Variants in SPIN1 observed in about 807,000 individuals in gnomAD.
SPIN1 encodes the protein spindlin-1.
Under a neutral mutation model 26.0 loss-of-function variants are expected in SPIN1, and 3 were observed. The ratio of observed to expected loss-of-function variants is 0.12; its 90% CI spans 0.05 to 0.30. SPIN1 has a LOEUF of 0.30. Among genes scored for constraint, SPIN1 ranks in the 10% least tolerant of loss-of-function variants. The pLI is 1.00. For missense variants in SPIN1, 126 were observed against 333.4 expected, an observed-to-expected ratio of 0.38 and a Z score of 4.84; for synonymous variants, 101 against 116.5, an observed-to-expected ratio of 0.87 and a Z score of 0.86.
chr9:88,433,111 G>C (rs958489060), intron 2 of SPIN1, among the ~76,000 whole-genome samples: 1 of 151,218 alleles, frequency 6.6e-6, no homozygotes, highest in Non-Finnish European at 1.5e-5. Context: ...ATAGGGTCTC[G>C]CCGTGTCACC....
Position 88,475,100 on chromosome 9 carries a change from G to C in SPIN1, c.612G>C (p.Arg204Ser). 6.3e-7 allele frequency: 1 copy of C among 1,591,358 alleles called. No homozygotes were observed. Among genetic ancestry groups the C allele is most frequent in the Non-Finnish European group, 8.6e-7 (1 of 1,169,506 alleles). ...PDSNDSPPAE[R>S]EPGEVVDSLV... ...TAGATGATTCACCTCCAGCAGAAAG[G>C]GAACCAGGAGAAGTTGTGGACAGCC... is the stretch of plus-strand genomic sequence containing the variant. The change falls in exon 6 of 6, where the codon AGG (arginine) becomes AGC (serine). Residue 204 changes from arginine to serine, a missense_variant. This residue lies in a region of SPIN1 where 29 missense variants were observed against 72.0 expected (regional missense o/e 0.40). Transcript: ENST00000375859.
At chr9:88,433,959 G>A (rs570487254) in intron 2 of SPIN1, among the ~76,000 whole-genome samples, 98 of 151,914 alleles carry the variant, frequency 6.5e-4, no homozygotes, top group Non-Finnish European at 1.2e-3. Context: ...AACTGACAGC[G>A]TTTGAGGACC....
chr9:88,423,729 T>TTA (rs1344186170), intron 1 of SPIN1, among the ~76,000 whole-genome samples: 1 of 149,716 alleles, frequency 6.7e-6, no homozygotes, highest in African/African-American at 2.5e-5. Context: ...ATCATGTATT[T>TTA]TTTTTTTTTT....
intron 1 of SPIN1, among the ~76,000 whole-genome samples, chr9:88,404,453 C>T (rs1163429875): frequency 4.6e-5 from 7 of 152,124 alleles, no homozygotes; most frequent in Admixed American, 3.3e-4. Flanking sequence ...AGCTTTTTTA[C>T]TTTATGAAGT....
chr9:88,455,701 G>T (rs1430114235), intron 3 of SPIN1, among the ~76,000 whole-genome samples: 1 of 151,964 alleles, frequency 6.6e-6, no homozygotes, highest in Non-Finnish European at 1.5e-5. Context: ...TTTAAGACTG[G>T]GTACAGTGGT....
At chr9:88,419,351 G>T (rs907436234) in intron 1 of SPIN1, among the ~76,000 whole-genome samples, 3 of 152,070 alleles carry the variant, frequency 2.0e-5, no homozygotes, top group African/African-American at 7.2e-5. Flanking sequence ...AGTTTAGCCT[G>T]TGCGGTCTAA....
intron 1 of SPIN1, among the ~76,000 whole-genome samples, chr9:88,418,039 A>G (rs1708586834): frequency 6.6e-6 from 1 of 152,218 alleles, no homozygotes; most frequent in African/African-American, 2.4e-5. Context: ...GTGTTCACGA[A>G]CCTTAAGTTT....
At chr9:88,402,908 C>G (rs956144808) in intron 1 of SPIN1, among the ~76,000 whole-genome samples, 1 of 152,098 alleles carries the variant, frequency 6.6e-6, no homozygotes, top group Non-Finnish European at 1.5e-5. Flanking sequence ...AATGGCTTTA[C>G]TAATTTCCAT....
chr9:88,465,264 G>T (rs965364816), intron 4 of SPIN1, among the ~76,000 whole-genome samples: 9 of 152,194 alleles, frequency 5.9e-5, no homozygotes, highest in African/African-American at 2.2e-4. Flanking sequence ...TTGAGATCCT[G>T]CTTTCAGTTG....
chr9:88,422,471 CT>C (rs1168971314), intron 1 of SPIN1, among the ~76,000 whole-genome samples: 1 of 152,126 alleles, frequency 6.6e-6, no homozygotes, highest in Non-Finnish European at 1.5e-5. Context: ...TAGAAAAGCT[CT>C]AGTTCATCTG....
chr9:88,436,653 T>A (rs1828003452), intron 2 of SPIN1, among the ~76,000 whole-genome samples: 1 of 152,194 alleles, frequency 6.6e-6, no homozygotes, highest in African/African-American at 2.4e-5. Context: ...GTTTTGTCTT[T>A]TCCAGAATAA....
In SPIN1 at chr9:88,411,409, A is replaced by G. The variant is rs377363561; in HGVS notation, c.-158-14973A>G. On this transcript the variant is annotated intron_variant, in intron 1 of 5. Transcript: ENST00000375859. ...CGGTTGTTTCAAAGCTCAACCCTCC[A>G]ATGAAGAGCTTCCTCAGCTGTTCGG... The G allele has an allele frequency of 1.8e-5, 29 of 1,592,030 alleles. No homozygotes were observed. In the African/African-American group the frequency reaches 3.1e-4, roughly 17 times the overall value.
intron 1 of SPIN1, among the ~76,000 whole-genome samples, chr9:88,410,161 TAG>T: frequency 8.8e-6 from 1 of 113,624 alleles, no homozygotes; most frequent in Admixed American, 8.2e-5. Context: ...TGCATATATT[TAG>T]TGTGTGTGTG....
intron 1 of SPIN1, chr9:88,411,385 G>A (rs563515120): frequency 8.8e-6 from 14 of 1,592,620 alleles, no homozygotes; most frequent in Admixed American, 6.7e-5. Flanking sequence ...GGCTCTCATC[G>A]GTTGTTTCAA....
At chr9:88,467,349 GATGTAC>G (rs1414753707) in intron 4 of SPIN1, among the ~76,000 whole-genome samples, 8 of 152,128 alleles carry the variant, frequency 5.3e-5, no homozygotes, top group Admixed American at 5.2e-4. Flanking sequence ...CTTTCATGGG[GATGTAC>G]AAGCAACTAA....
rs1827798697 is a variant in SPIN1 at position 88,428,161 on chromosome 9, CAACAT to C, written c.52+1571_52+1575del. 2.0e-5 allele frequency among the ~76,000 whole-genome samples: 3 copies of C among 152,260 alleles called. No individual in the cohort carries two copies. In the South Asian group the frequency reaches 6.2e-4, roughly 32 times the overall value. ...TGTACAGCATACAGCATTCCAAATT[CAACAT>C]GCATTCTTCTTTTAAATTTCTATTT... On this transcript the variant is annotated intron_variant, in intron 2 of 5. Transcript: ENST00000375859.
chr9:88,467,580 A>G (rs1407599901), intron 4 of SPIN1, among the ~76,000 whole-genome samples: 1 of 152,188 alleles, frequency 6.6e-6, no homozygotes, highest in Non-Finnish European at 1.5e-5. Flanking sequence ...TAGAGAACGC[A>G]TGAACAACAA....
intron 2 of SPIN1, among the ~76,000 whole-genome samples, chr9:88,433,234 A>G (rs1487162055): frequency 4.0e-5 from 6 of 151,842 alleles, no homozygotes; most frequent in African/African-American, 1.5e-4. Context: ...CGTGAGTGCC[A>G]CCACGCCCTG....
At chr9:88,431,071 G>C (rs1200781483) in intron 2 of SPIN1, among the ~76,000 whole-genome samples, 1 of 151,996 alleles carries the variant, frequency 6.6e-6, no homozygotes, top group African/African-American at 2.4e-5. Context: ...TTTTAGTAGA[G>C]ACGGGGTTTT....
Sources: gnomAD v4.1 joint callset for allele counts (sites outside exome capture counted in the v4.1 genomes callset) on GRCh38, gnomAD v4.1.1 for gene constraint, gnomAD v4.1.1 regional missense constraint, MANE v1.5 for transcripts, NCBI Gene and HGNC (gene_info 2026-07-23, HGNC 2026-07-21) for gene names.